Variants in UBE3C observed in about 807,000 individuals in gnomAD.
The protein encoded by UBE3C is ubiquitin protein ligase E3C.
A neutral mutation model predicts 129.4 loss-of-function variants in UBE3C; 42 were observed. The observed-to-expected ratio is 0.32, with a 90% CI of 0.25 to 0.42. UBE3C has a LOEUF of 0.42. UBE3C is among the 10% of genes least tolerant of loss of function. UBE3C has a pLI of 1.00. For synonymous variants in UBE3C, 510 were observed against 492.4 expected (o/e 1.04, Z -0.47); for missense variants, 1,049 against 1,319.1 (o/e 0.80, Z 3.17).
At chr7:157,252,087 G>A (rs1242403922) in intron 19 of UBE3C, among the ~76,000 whole-genome samples, 2 of 152,062 alleles carry the variant, frequency 1.3e-5, no homozygotes, top group African/African-American at 4.8e-5. Context: ...ACTGAGCCAA[G>A]ATTGCTCCAC....
intron 2 of UBE3C, among the ~76,000 whole-genome samples, chr7:157,165,610 G>A (rs1808192777): frequency 6.6e-6 from 1 of 152,026 alleles, no homozygotes; most frequent in Non-Finnish European, 1.5e-5. Flanking sequence ...TGTTGGGCAG[G>A]CTAGTCTTGA....
chr7:157,215,648 G>A (rs62493428), intron 13 of UBE3C, among the ~76,000 whole-genome samples: 15,518 of 151,320 alleles, frequency 0.1, 911 homozygotes, highest in African/African-American at 0.14. Context: ...GGTGATTTCC[G>A]TTGTCTTTAA....
intron 1 of UBE3C, chr7:157,139,901 A>T (rs1016404759): frequency 1.4e-6 from 1 of 692,642 alleles, no homozygotes. Context: ...AGAACGTCTC[A>T]TGAATAGCCA....
chr7:157,240,112 T>C (rs1482692720), intron 18 of UBE3C, among the ~76,000 whole-genome samples: 1 of 152,140 alleles, frequency 6.6e-6, no homozygotes, highest in Non-Finnish European at 1.5e-5. Flanking sequence ...AGACAGAGTC[T>C]TGCTCTTGGC....
intron 13 of UBE3C, among the ~76,000 whole-genome samples, chr7:157,211,676 C>G (rs140562606): frequency 1.3e-5 from 2 of 151,852 alleles, no homozygotes; most frequent in East Asian, 3.9e-4. Context: ...TTTGGTTAAC[C>G]CTTGACAGCA....
chr7:157,244,946 T>G (rs1796438073), intron 18 of UBE3C, among the ~76,000 whole-genome samples: 1 of 152,212 alleles, frequency 6.6e-6, no homozygotes, highest in Non-Finnish European at 1.5e-5. Context: ...AAATGCTAAG[T>G]GGATTATTTT....
intron 21 of UBE3C, among the ~76,000 whole-genome samples, chr7:157,254,779 G>A (rs571436562): frequency 2.0e-5 from 3 of 152,052 alleles, no homozygotes; most frequent in African/African-American, 7.2e-5. Context: ...AGTGGCTCAC[G>A]CCTGTAATCC....
chr7:157,215,231 A>AG (rs1809701733), intron 13 of UBE3C, among the ~76,000 whole-genome samples: 1 of 152,274 alleles, frequency 6.6e-6, no homozygotes, highest in African/African-American at 2.4e-5. Context: ...AGGTCATTCA[A>AG]GGGGTGTCCA....
intron 10 of UBE3C, among the ~76,000 whole-genome samples, chr7:157,190,954 G>C (rs1000659896): frequency 6.6e-6 from 1 of 152,140 alleles, no homozygotes; most frequent in Non-Finnish European, 1.5e-5. Context: ...TAATGTCTGG[G>C]CTGGCATGTT....
intron 19 of UBE3C, 144 bp from the exon 20 acceptor site, chr7:157,253,810 G>T: frequency 1.3e-6 from 1 of 763,030 alleles, no homozygotes. Flanking sequence ...ACAATGCTGT[G>T]CATACTCGGG....
At chr7:157,139,413 G>A in intron 1 of UBE3C, 75 bp downstream of exon 1, 2 of 1,387,788 alleles carry the variant, frequency 1.4e-6, no homozygotes, top group South Asian at 1.4e-5. Flanking sequence ...ACTCGGGGCT[G>A]GACTCGGGGC....
intron 3 of UBE3C, 88 bp from the exon 4 acceptor site, chr7:157,170,216 T>G: frequency 8.3e-7 from 1 of 1,207,562 alleles, no homozygotes. Context: ...CCACCATTCC[T>G]GTAAACACAG....
chr7:157,234,496 CA>C (rs1796104412), intron 18 of UBE3C, among the ~76,000 whole-genome samples: 2 of 152,138 alleles, frequency 1.3e-5, no homozygotes, highest in Non-Finnish European at 2.9e-5. Flanking sequence ...TTATTAATAG[CA>C]GATGGGAGTA....
At chr7:157,176,252 A>G (rs1586664435) in intron 5 of UBE3C, among the ~76,000 whole-genome samples, 1 of 151,992 alleles carries the variant, frequency 6.6e-6, no homozygotes, top group East Asian at 1.9e-4. Flanking sequence ...GCAGAGCAAG[A>G]CCATGTTTCT....
intron 1 of UBE3C, among the ~76,000 whole-genome samples, chr7:157,142,790 G>A (rs191409659): frequency 6.6e-6 from 1 of 152,074 alleles, no homozygotes; most frequent in East Asian, 1.9e-4. Context: ...AAACCTCCGC[G>A]TCCTGCAGTA....
At position 157,139,337 on chromosome 7, in the gene UBE3C, A is replaced by T; in HGVS notation, c.65A>T (p.Lys22Met). 6.3e-7 allele frequency: 1 copy of T among 1,578,706 alleles called. No individual in the cohort carries two copies. Among genetic ancestry groups the T allele is most frequent in the African/African-American group, 1.4e-5 (1 of 72,240 alleles). ...PKVSLGGASRKEEKASLLHRT... is the reference protein window; with the variant it reads ...PKVSLGGASRMEEKASLLHRT... Reference sequence around the variant, plus strand: ...GTGTCCCTTGGCGGCGCGAGCAGGAAGGTGAGGGCCGGGCTGGCGGGGCGC... The same window carrying T: ...GTGTCCCTTGGCGGCGCGAGCAGGATGGTGAGGGCCGGGCTGGCGGGGCGC... The change falls in exon 1 of 23, where the codon AAG becomes ATG. Residue 22 changes from lysine to methionine, a missense_variant and splice_region_variant. Lys to Met is a moderately conservative substitution (Grantham distance 95). Around this residue, in one of 4 missense-constraint regions of UBE3C, gnomAD observed 489 missense variants for 513.8 expected, o/e 0.95. Coordinates refer to ENST00000348165, the MANE Select transcript of UBE3C (RefSeq NM_014671.3).
intron 14 of UBE3C, among the ~76,000 whole-genome samples, chr7:157,218,486 C>T (rs1161745712): frequency 5.3e-5 from 8 of 151,926 alleles, no homozygotes; most frequent in Non-Finnish European, 1.0e-4. Flanking sequence ...CAGAAATATT[C>T]GAGGAGAGAA....
chr7:157,213,255 T>C (rs1352932301), intron 13 of UBE3C, among the ~76,000 whole-genome samples: 1 of 152,260 alleles, frequency 6.6e-6, no homozygotes, highest in Non-Finnish European at 1.5e-5. Context: ...ATACAGCTAG[T>C]TGTTCCAGTG....
chr7:157,249,254 G>A (rs575622878), intron 19 of UBE3C, among the ~76,000 whole-genome samples: 3 of 151,838 alleles, frequency 2.0e-5, no homozygotes, highest in South Asian at 2.1e-4. Context: ...CCCACCTCCC[G>A]CAGGCAGCCA....
Sources: gnomAD v4.1 joint callset for allele counts (sites outside exome capture counted in the v4.1 genomes callset) on GRCh38, gnomAD v4.1.1 for gene constraint, gnomAD v4.1.1 regional missense constraint, MANE v1.5 for transcripts, NCBI Gene and HGNC (gene_info 2026-07-23, HGNC 2026-07-21) for gene names.